Variants in RALGPS1 observed in about 807,000 individuals in gnomAD.
RALGPS1 encodes the protein Ral GEF with PH domain and SH3 binding motif 1.
RALGPS1 carries 19 observed loss-of-function variants against 78.8 expected under a neutral mutation model. The observed-to-expected ratio is 0.24, with a 90% confidence interval of 0.17 to 0.35. The LOEUF is 0.35. RALGPS1 is among the 10% of genes least tolerant of loss of function. The pLI is 1.00. For synonymous variants in RALGPS1, 228 were observed against 256.3 expected (o/e 0.89, Z 1.06); for missense variants, 454 against 688.3 (o/e 0.66, Z 3.81).
chr9:126,960,185 TCCCTC>T (rs2038748268), intron 1 of RALGPS1, among the ~76,000 whole-genome samples: 6 of 25,520 alleles, frequency 2.4e-4, no homozygotes, highest in Non-Finnish European at 4.4e-4. Flanking sequence ...CCTCCCTCCC[TCCCTC>T]CCTTCCTTCC....
intron 11 of RALGPS1, among the ~76,000 whole-genome samples, chr9:127,188,869 G>A (rs983932746): frequency 8.8e-6 from 1 of 113,140 alleles, no homozygotes; most frequent in African/African-American, 2.9e-5. Context: ...GCATTGTGGC[G>A]TACGCCTATA....
intron 8 of RALGPS1, among the ~76,000 whole-genome samples, chr9:127,141,616 C>CAAAA (rs61291398): frequency 0.021 from 1,402 of 67,176 alleles, 2 homozygotes; most frequent in African/African-American, 0.03. Flanking sequence ...TTTTTAATGG[C>CAAAA]AAAAAAAAAA....
At chr9:126,985,666 G>A (rs1032647052) in intron 4 of RALGPS1, among the ~76,000 whole-genome samples, 2 of 152,172 alleles carry the variant, frequency 1.3e-5, no homozygotes, top group Non-Finnish European at 2.9e-5. Flanking sequence ...TTTTCTTGCA[G>A]TTAGTTCTTT....
At chr9:127,193,778 C>T (rs2061205294) in intron 11 of RALGPS1, among the ~76,000 whole-genome samples, 2 of 152,130 alleles carry the variant, frequency 1.3e-5, no homozygotes, top group African/African-American at 4.8e-5. Context: ...GCCAGGCAGC[C>T]ACCCCCTTGA....
rs147578980 is a variant in RALGPS1 at position 127,174,933 on chromosome 9, G to A, written c.910+151G>A. ...GTTCACAGCCCTCCTGCACCAGCCTGCCCAGGCTCCTGATCATGCGGGACT... is the reference window on the plus strand; with the variant it reads ...GTTCACAGCCCTCCTGCACCAGCCTACCCAGGCTCCTGATCATGCGGGACT... On this transcript the variant is annotated intron_variant, in intron 11 of 18. Transcript: ENST00000259351. 179 of 670,836 alleles carry A rather than the reference G, an allele frequency of 2.7e-4. No homozygotes were observed. In the African/African-American group the frequency reaches 2.9e-3, roughly 11 times the overall value. The allele number at this position is 670,836 out of a possible 1,614,324, so 41.6% of individuals were successfully genotyped here. A position where few individuals can be genotyped will look rare whatever the true frequency, so the allele number is the denominator to read the frequency against.
intron 1 of RALGPS1, among the ~76,000 whole-genome samples, chr9:126,956,300 A>C (rs2038334468): frequency 6.6e-6 from 1 of 152,030 alleles, no homozygotes; most frequent in Non-Finnish European, 1.5e-5. Context: ...CCTGATACAG[A>C]ACTGGGGGCT....
At chr9:127,173,001 C>T (rs779699430) in intron 10 of RALGPS1, among the ~76,000 whole-genome samples, 7 of 152,148 alleles carry the variant, frequency 4.6e-5, no homozygotes, top group Non-Finnish European at 1.0e-4. Context: ...GGAGAGATGT[C>T]TGGCCCTCCT....
chr9:127,052,067 A>G (rs577194693), intron 6 of RALGPS1, among the ~76,000 whole-genome samples: 8 of 152,346 alleles, frequency 5.3e-5, no homozygotes, highest in African/African-American at 1.9e-4. Context: ...TGCCTTCTGC[A>G]CTTTAAGGAT....
At chr9:126,926,428 A>G (rs1320525027) in intron 1 of RALGPS1, among the ~76,000 whole-genome samples, 1 of 152,216 alleles carries the variant, frequency 6.6e-6, no homozygotes, top group African/African-American at 2.4e-5. Context: ...AGCAGGATAC[A>G]GGCAGAGGAA....
chr9:127,022,266 C>G (rs2045528833), intron 4 of RALGPS1, among the ~76,000 whole-genome samples: 1 of 152,086 alleles, frequency 6.6e-6, no homozygotes, highest in Non-Finnish European at 1.5e-5. Context: ...TCCCTTTCTC[C>G]ACACACACAG....
chr9:127,165,008 T>C (rs1348038950), intron 8 of RALGPS1, among the ~76,000 whole-genome samples: 2 of 152,252 alleles, frequency 1.3e-5, no homozygotes, highest in Non-Finnish European at 2.9e-5. Flanking sequence ...TCACTTTTCA[T>C]TTCTAACTTT....
chr9:126,987,668 C>G (rs764160150), intron 4 of RALGPS1, among the ~76,000 whole-genome samples: 7 of 152,140 alleles, frequency 4.6e-5, no homozygotes, highest in Non-Finnish European at 1.0e-4. Context: ...TTCCTAAGTG[C>G]TCGTGTTTTT....
At chr9:127,176,379 G>C (rs931421099) in intron 11 of RALGPS1, among the ~76,000 whole-genome samples, 11 of 152,110 alleles carry the variant, frequency 7.2e-5, no homozygotes, top group African/African-American at 2.7e-4. Flanking sequence ...GCTCCTTTTA[G>C]GTGCGCAGTC....
At chr9:127,178,974 TC>T (rs1489600846) in intron 11 of RALGPS1, among the ~76,000 whole-genome samples, 1 of 152,192 alleles carries the variant, frequency 6.6e-6, no homozygotes, top group Non-Finnish European at 1.5e-5. Flanking sequence ...AGTCTAGAAT[TC>T]CTAGAGCCCA....
intron 8 of RALGPS1, among the ~76,000 whole-genome samples, chr9:127,121,939 C>G (rs2056140213): frequency 6.6e-6 from 1 of 152,240 alleles, no homozygotes; most frequent in Admixed American, 6.5e-5. Context: ...TTGGGCCACC[C>G]CTGCCTTCTG....
intron 8 of RALGPS1, among the ~76,000 whole-genome samples, chr9:127,125,910 C>T (rs2056579736): frequency 6.6e-6 from 1 of 152,156 alleles, no homozygotes; most frequent in African/African-American, 2.4e-5. Context: ...AGAATGATTT[C>T]GTGTCTTACC....
chr9:127,063,982 G>A (rs11788993), intron 7 of RALGPS1, among the ~76,000 whole-genome samples: 22,880 of 152,136 alleles, frequency 0.15, 2,513 homozygotes, highest in Admixed American at 0.21. Flanking sequence ...CCAGATGCAG[G>A]GAACAGTAGA....
intron 5 of RALGPS1, among the ~76,000 whole-genome samples, chr9:127,038,002 C>T (rs1345683999): frequency 1.3e-5 from 2 of 152,166 alleles, no homozygotes; most frequent in Non-Finnish European, 2.9e-5. Flanking sequence ...TGGATGAGGG[C>T]CAGAAAGGAA....
intron 3 of RALGPS1, among the ~76,000 whole-genome samples, chr9:126,974,568 T>C (rs552021148): frequency 1.4e-4 from 22 of 152,268 alleles, no homozygotes; most frequent in African/African-American, 5.3e-4. Context: ...AAGTAGCATT[T>C]CCCTTAAAAG....
Sources: allele counts gnomAD v4.1 joint callset (sites outside exome capture counted in the v4.1 genomes callset), GRCh38; gene constraint gnomAD v4.1.1; transcripts MANE v1.5; gene names NCBI Gene and HGNC (gene_info 2026-07-23, HGNC 2026-07-21).